SMYD3: variants seen among roughly 807,000 people sequenced by gnomAD.
SMYD3 encodes the protein histone-lysine N-methyltransferase SMYD3.
Under a neutral mutation model 57.7 loss-of-function variants are expected in SMYD3, and 36 were observed. The ratio of observed to expected loss-of-function variants is 0.62; its 90% CI spans 0.48 to 0.82. SMYD3 has a LOEUF of 0.82. Among genes scored for constraint, SMYD3 ranks in the 40% least tolerant of loss-of-function variants. SMYD3 has a pLI of 0.00. For missense variants in SMYD3, 515 were observed against 538.8 expected (o/e 0.96, Z 0.44); for synonymous variants, 211 against 195.0 (o/e 1.08, Z -0.68).
At chr1:246,269,543 C>CTTTTTTTTTTTTTTTTTTTTTTTTT (rs570972296) in intron 5 of SMYD3, among the ~76,000 whole-genome samples, 5 of 135,216 alleles carry the variant, frequency 3.7e-5, no homozygotes, top group South Asian at 2.5e-4. Context: ...CTTTTTTTTT[C>CTTTTTTTTTTTTTTTTTTTTTTTTT]TTTTTTTTTT....
intron 5 of SMYD3, among the ~76,000 whole-genome samples, chr1:246,292,563 T>C (rs990484407): frequency 6.6e-6 from 1 of 152,230 alleles, no homozygotes; most frequent in African/African-American, 2.4e-5. Flanking sequence ...ATATGATCAC[T>C]ATATGGATAA....
intron 2 of SMYD3, among the ~76,000 whole-genome samples, chr1:246,345,396 A>G (rs2065697561): frequency 2.0e-5 from 3 of 152,062 alleles, no homozygotes; most frequent in Admixed American, 1.3e-4. Flanking sequence ...TTATATTTTT[A>G]TTTCTGAATA....
In SMYD3 at chr1:246,415,936, C is replaced by T. The variant is rs1366698083; in HGVS notation, c.165-60842G>A. On this transcript the variant is annotated intron_variant, in intron 1 of 11. Coordinates refer to ENST00000490107, the MANE Select transcript of SMYD3 (RefSeq NM_001167740.2). ...CGTATGTTATGCCTTGAACTGCATA[C>T]ATGTACGTAGAAACTCCCACACGTA... Among the ~76,000 whole-genome samples, 4 of 152,300 alleles carry T rather than the reference C, an allele frequency of 2.6e-5. 1 individual carries two copies. The South Asian group carries it at 8.3e-4, about 32-fold the overall frequency.
In SMYD3 at chr1:245,929,904, C is replaced by T. The variant is rs368907626; in HGVS notation, c.565G>A (p.Glu189Lys). The change falls in exon 6 of 12, where the codon GAG becomes AAG. Residue 189 changes from glutamate (E) to lysine (K), a missense_variant. Transcript: ENST00000490107. ...AGGCCAACACCAACTTCCTGCATCT[C>T]CGCATTACAGATGGTGAAAGAGTTG... is the stretch of plus-strand genomic sequence containing the variant. ...ICNSFTICNA[E>K]MQEVGVGLYP... The T allele has an allele frequency of 6.2e-7, 1 of 1,613,878 alleles. No individual in the cohort carries two copies. Among genetic ancestry groups the T allele is most frequent in the Non-Finnish European group, 8.5e-7 (1 of 1,179,832 alleles).
At position 245,881,708 on chromosome 1, in the gene SMYD3, A is replaced by G. The variant is rs113033985; in HGVS notation, c.814-17822T>C. Among the ~76,000 whole-genome samples the G allele has an allele frequency of 5.0e-3, 768 of 152,362 alleles. 7 individuals are homozygous for G. The highest frequency in any genetic ancestry group is 0.017 in the African/African-American group (698 of 41,578). ...AATGATACGTAACGTTTGCTAGTGC[A>G]ATCATGGAAATAAAGGCATTGCAGA... On this transcript the variant is annotated intron_variant, in intron 8 of 11. Coordinates refer to ENST00000490107, the MANE Select transcript of SMYD3 (RefSeq NM_001167740.2).
intron 10 of SMYD3, among the ~76,000 whole-genome samples, chr1:245,848,719 G>C (rs919588694): frequency 6.6e-6 from 1 of 152,110 alleles, no homozygotes; most frequent in Non-Finnish European, 1.5e-5. Flanking sequence ...GCCCACAAAA[G>C]GTATTTCTTA....
chr1:245,917,730 C>G (rs915601950), intron 7 of SMYD3, among the ~76,000 whole-genome samples: 1 of 152,122 alleles, frequency 6.6e-6, no homozygotes, highest in Non-Finnish European at 1.5e-5. Flanking sequence ...TCAGCTTGTA[C>G]CAGACTGTAG....
At chr1:245,965,594 A>C (rs1404056191) in intron 5 of SMYD3, among the ~76,000 whole-genome samples, 3 of 152,178 alleles carry the variant, frequency 2.0e-5, no homozygotes, top group Admixed American at 6.5e-5. Flanking sequence ...ACATGGTAGA[A>C]CCTTAAATGC....
intron 5 of SMYD3, among the ~76,000 whole-genome samples, chr1:245,941,014 A>C (rs1167234549): frequency 1.3e-5 from 2 of 152,220 alleles, no homozygotes; most frequent in Non-Finnish European, 2.9e-5. Flanking sequence ...AGAACTTCAC[A>C]ATGCAGCCAC....
intron 1 of SMYD3, among the ~76,000 whole-genome samples, chr1:246,427,723 G>A (rs538038599): frequency 7.3e-4 from 111 of 151,888 alleles, no homozygotes; most frequent in Admixed American, 1.4e-3. Flanking sequence ...AATCAGCCAG[G>A]CATGCCTATA....
At chr1:245,870,543 C>T (rs369071314) in intron 8 of SMYD3, among the ~76,000 whole-genome samples, 1 of 152,314 alleles carries the variant, frequency 6.6e-6, no homozygotes. Flanking sequence ...CACCTACATT[C>T]CTTCATCCAT....
rs74163446 is a variant in SMYD3, at chr1:246,458,613, A to ATTT, written c.164+48438_164+48440dup. 3.2e-3 allele frequency among the ~76,000 whole-genome samples: 152 copies of ATTT among 46,878 alleles called. 11 individuals are homozygous for ATTT. Among genetic ancestry groups the ATTT allele is most frequent in the African/African-American group, 5.1e-3 (60 of 11,764 alleles). 30.8% of individuals were successfully genotyped at this position (46,878 alleles called of 152,430 possible). A position where few individuals can be genotyped will look rare whatever the true frequency, so the allele number is the denominator to read the frequency against. ...AGGCGCCCACCACCGCGCCTGGCTGATTTTTTTTTTTTTTTTTTTTTTTTT... is the reference window on the plus strand; with the variant it reads ...AGGCGCCCACCACCGCGCCTGGCTGATTTTTTTTTTTTTTTTTTTTTTTTTTTT... On this transcript the variant is annotated intron_variant, in intron 1 of 11. Transcript: ENST00000490107.
chr1:246,010,440 G>A (rs552005124), intron 5 of SMYD3, among the ~76,000 whole-genome samples: 1 of 152,284 alleles, frequency 6.6e-6, no homozygotes, highest in Non-Finnish European at 1.5e-5. Flanking sequence ...TGTATCCAGA[G>A]CCCAATGATG....
chr1:246,224,153 T>C (rs1342592560), intron 5 of SMYD3, among the ~76,000 whole-genome samples: 1 of 152,022 alleles, frequency 6.6e-6, no homozygotes, highest in East Asian at 1.9e-4. Flanking sequence ...TCAGAGACGA[T>C]GAACAGATAA....
At chr1:246,398,944 T>C (rs191482497) in intron 1 of SMYD3, among the ~76,000 whole-genome samples, 17 of 152,120 alleles carry the variant, frequency 1.1e-4, no homozygotes, top group Admixed American at 6.6e-4. Context: ...AGTCATACCA[T>C]AAAGGAGTAG....
intron 5 of SMYD3, among the ~76,000 whole-genome samples, chr1:246,059,351 ATC>A (rs2060210696): frequency 6.6e-6 from 1 of 151,768 alleles, no homozygotes; most frequent in Non-Finnish European, 1.5e-5. Context: ...AAAAAAAAAA[ATC>A]AAATTAAGAT....
chr1:245,817,066 G>A (rs1558379836), intron 10 of SMYD3, among the ~76,000 whole-genome samples: 1 of 151,482 alleles, frequency 6.6e-6, no homozygotes. Flanking sequence ...AGGCCTGCCT[G>A]CCTCTGTAGG....
At chr1:245,753,440 T>G (rs1230592173) in intron 11 of SMYD3, among the ~76,000 whole-genome samples, 1 of 152,224 alleles carries the variant, frequency 6.6e-6, no homozygotes, top group Admixed American at 6.5e-5. Context: ...TGTGTGCGGA[T>G]GTGTGCGTGG....
intron 5 of SMYD3, among the ~76,000 whole-genome samples, chr1:246,144,196 T>C (rs1331552370): frequency 6.6e-6 from 1 of 152,218 alleles, no homozygotes; most frequent in East Asian, 1.9e-4. Flanking sequence ...TACCGCCATG[T>C]CCCTGGCACT....
Sources: allele counts gnomAD v4.1 joint callset (sites outside exome capture counted in the v4.1 genomes callset), GRCh38; gene constraint gnomAD v4.1.1; transcripts MANE v1.5; gene names NCBI Gene and HGNC (gene_info 2026-07-23, HGNC 2026-07-21).